USH2A: variants seen among roughly 807,000 people sequenced by gnomAD.
USH2A encodes the protein Usher syndrome 2A (autosomal recessive, mild).
USH2A carries 443 observed loss-of-function variants against 538.9 expected under a neutral mutation model. The ratio of observed to expected loss-of-function variants is 0.82; its 90% confidence interval spans 0.76 to 0.89. The LOEUF (loss-of-function observed/expected upper bound fraction) is 0.89, where lower values mean the gene tolerates loss of function less well. Ranked by LOEUF, USH2A falls within the 40% of genes least tolerant of loss-of-function variation. The pLI is 0.00. For missense variants in USH2A, 6,633 were observed against 6,324.8 expected (o/e 1.05, Z -1.65); for synonymous variants, 2,413 against 2,273.5 (o/e 1.06, Z -1.75).
intron 3 of USH2A, among the ~76,000 whole-genome samples, chr1:216,370,696 A>AAAAAAAAAAAAAAAAAAAAAC (rs2038696448): frequency 6.6e-6 from 1 of 150,714 alleles, no homozygotes. Flanking sequence ...AAAAAAAAAA[A>AAAAAAAAAAAAAAAAAAAAAC]AAAAAATACT....
chr1:216,167,116 A>T (rs1417210810), intron 21 of USH2A, among the ~76,000 whole-genome samples: 6 of 151,906 alleles, frequency 3.9e-5, no homozygotes, highest in Admixed American at 2.6e-4. Context: ...GCCTCCTTAT[A>T]TATATATACC....
chr1:215,646,804 G>A (rs931841852), intron 67 of USH2A, among the ~76,000 whole-genome samples: 75 of 152,218 alleles, frequency 4.9e-4, no homozygotes, highest in African/African-American at 1.7e-3. Flanking sequence ...TGGGATTACA[G>A]GCGTGAGCCA....
At chr1:215,839,627 A>T (rs1160877180) in intron 46 of USH2A, among the ~76,000 whole-genome samples, 1 of 152,184 alleles carries the variant, frequency 6.6e-6, no homozygotes, top group Non-Finnish European at 1.5e-5. Context: ...CCAGATGATT[A>T]TATATGTTTT....
intron 3 of USH2A, among the ~76,000 whole-genome samples, chr1:216,412,274 T>G (rs1327525526): frequency 6.6e-6 from 1 of 152,126 alleles, no homozygotes; most frequent in Non-Finnish European, 1.5e-5. Context: ...AAATATTGCA[T>G]TTTAAAATCA....
chr1:215,950,499 G>T (rs1176097140), intron 37 of USH2A, among the ~76,000 whole-genome samples: 1 of 142,922 alleles, frequency 7.0e-6, no homozygotes, highest in Non-Finnish European at 1.5e-5. Flanking sequence ...ATTTATAATT[G>T]CTACCTTTTT....
intron 47 of USH2A, among the ~76,000 whole-genome samples, chr1:215,837,022 T>A (rs149002007): frequency 1.3e-5 from 2 of 152,146 alleles, no homozygotes; most frequent in Non-Finnish European, 2.9e-5. Context: ...AAAAATTAGA[T>A]CAGTATCTAT....
chr1:215,624,472 CAG>C lies in USH2A; in HGVS notation c.*1307_*1308del, dbSNP rs1655924588. ...AGTATTGTGACTATTGTGTGTTAGA[CAG>C]AGTCAATATTTTCCTGGGGTCACAA... On this transcript the variant is annotated 3_prime_UTR_variant, in exon 72 of 72. Coordinates refer to ENST00000307340, the MANE Select transcript of USH2A (RefSeq NM_206933.4). The C allele has an allele frequency of 6.6e-6, 1 of 152,116 alleles. No individual in the cohort carries two copies. The highest frequency in any genetic ancestry group is 1.5e-5 in the Non-Finnish European group (1 of 68,020). 9.4% of individuals were successfully genotyped at this position (152,116 alleles called of 1,614,324 possible).
intron 15 of USH2A, among the ~76,000 whole-genome samples, chr1:216,208,497 A>G (rs2035169170): frequency 6.6e-6 from 1 of 152,206 alleles, no homozygotes; most frequent in Non-Finnish European, 1.5e-5. Context: ...TCAGTAAAAG[A>G]AAGCACACTC....
intron 21 of USH2A, among the ~76,000 whole-genome samples, chr1:216,148,470 T>C (rs1003083559): frequency 6.6e-5 from 10 of 152,022 alleles, no homozygotes; most frequent in Non-Finnish European, 1.2e-4. Context: ...CCCTCCTTGG[T>C]GACCGATCAT....
intron 55 of USH2A, among the ~76,000 whole-genome samples, chr1:215,776,732 A>C (rs1661480033): frequency 6.6e-6 from 1 of 152,212 alleles, no homozygotes; most frequent in Non-Finnish European, 1.5e-5. Flanking sequence ...AAATTTGATT[A>C]TTTTAGTTCA....
intron 19 of USH2A, 73 bp from the exon 20 acceptor site, chr1:216,190,440 G>C: frequency 6.4e-7 from 1 of 1,558,748 alleles, no homozygotes; most frequent in Non-Finnish European, 8.7e-7. Flanking sequence ...AACCTTGGCA[G>C]TCAAAGTTCC....
chr1:215,639,075 A>G (rs1656591466), intron 69 of USH2A, 80 bp downstream of exon 69: 2 of 1,320,062 alleles, frequency 1.5e-6, no homozygotes, highest in Admixed American at 3.4e-5. Flanking sequence ...TTAGGACTCC[A>G]AGTATGTATA....
intron 32 of USH2A, 39 bp from the exon 33 acceptor site, chr1:216,000,601 T>C: frequency 6.2e-7 from 1 of 1,610,978 alleles, no homozygotes; most frequent in Non-Finnish European, 8.5e-7. Context: ...CTCAGCATTA[T>C]ACTTCTTATT....
chr1:215,649,327 A>G (rs1656970699), intron 65 of USH2A, among the ~76,000 whole-genome samples: 1 of 152,174 alleles, frequency 6.6e-6, no homozygotes, highest in Admixed American at 6.6e-5. Flanking sequence ...TCTTCTCTCA[A>G]TCATCTTTGT....
chr1:215,924,311 G>A (rs1448654379), intron 38 of USH2A, among the ~76,000 whole-genome samples: 1 of 151,974 alleles, frequency 6.6e-6, no homozygotes, highest in Non-Finnish European at 1.5e-5. Context: ...GGGTCTATAT[G>A]CCTTTATAGA....
intron 11 of USH2A, among the ~76,000 whole-genome samples, chr1:216,251,442 C>CTTTTTTTTTTTT: frequency 1.2e-5 from 1 of 80,336 alleles, no homozygotes; most frequent in Non-Finnish European, 2.3e-5. Context: ...ACCACTTCCC[C>CTTTTTTTTTTTT]TTTTTTTTTT....
intron 16 of USH2A, among the ~76,000 whole-genome samples, 199 bp from the exon 17 acceptor site, chr1:216,200,320 G>C (rs763461075): frequency 1.3e-5 from 2 of 152,148 alleles, no homozygotes; most frequent in Non-Finnish European, 2.9e-5. Context: ...GTATAAGAAA[G>C]TATCATTCAT....
intron 21 of USH2A, among the ~76,000 whole-genome samples, chr1:216,110,204 A>G (rs1571968965): frequency 6.6e-6 from 1 of 152,156 alleles, no homozygotes; most frequent in Admixed American, 6.5e-5. Flanking sequence ...AAACAAAACA[A>G]AAACCCAGCC....
At chr1:216,420,332 A>C (rs2039655531) in intron 2 of USH2A, among the ~76,000 whole-genome samples, 1 of 152,124 alleles carries the variant, frequency 6.6e-6, no homozygotes, top group Non-Finnish European at 1.5e-5. Context: ...TAAACATACT[A>C]GCTTTGGTAG....
Sources: gnomAD v4.1 joint callset for allele counts (sites outside exome capture counted in the v4.1 genomes callset) on GRCh38, gnomAD v4.1.1 for gene constraint, MANE v1.5 for transcripts, NCBI Gene and HGNC (gene_info 2026-07-23, HGNC 2026-07-21) for gene names.